TRAM1: variants seen among roughly 807,000 people sequenced by gnomAD.
TRAM1 encodes translocating chain-associated membrane protein 1.
A neutral mutation model predicts 48.7 loss-of-function variants in TRAM1; 17 were observed. The observed-to-expected ratio is 0.35, with a 90% CI of 0.24 to 0.52. The LOEUF (loss-of-function observed/expected upper bound fraction) is 0.52. Among genes scored for constraint, TRAM1 ranks in the 20% least tolerant of loss-of-function variants. TRAM1 has a pLI of 0.94. For missense variants in TRAM1, 351 were observed against 441.5 expected, an observed-to-expected ratio of 0.79 and a Z score of 1.84; for synonymous variants, 182 against 154.0, an observed-to-expected ratio of 1.18 and a Z score of -1.34.
In TRAM1 at chr8:70,584,676, A is replaced by G. The variant is rs542119127; in HGVS notation, c.747-883T>C. 1.8e-3 allele frequency among the ~76,000 whole-genome samples: 273 copies of G among 152,344 alleles called. 3 individuals carry two copies. The highest frequency in any genetic ancestry group is 3.4e-3 in the Middle Eastern group (1 of 294). On this transcript the variant is annotated intron_variant, in intron 8 of 10. Transcript: ENST00000262213. ...CCAAATCATGAGTGAACTCCCATTC[A>G]TAATTGCTTCAAAGAGAATAAAATA...
intron 1 of TRAM1, 193 bp downstream of exon 1, chr8:70,607,884 G>C (rs1009497601): frequency 3.4e-6 from 2 of 595,396 alleles, no homozygotes; most frequent in African/African-American, 1.9e-5. Context: ...TTGCATCTCC[G>C]GGCCGGCCGC....
chr8:70,587,030 A>G (rs1817237396), intron 7 of TRAM1, 31 bp from the exon 8 acceptor site: 1 of 1,608,744 alleles, frequency 6.2e-7, no homozygotes, highest in Middle Eastern at 1.7e-4. Flanking sequence ...AAATGGGAAT[A>G]TTAATTATCA....
chr8:70,596,914 A>T (rs1228661354), intron 4 of TRAM1, among the ~76,000 whole-genome samples: 2 of 151,710 alleles, frequency 1.3e-5, no homozygotes, highest in Admixed American at 6.6e-5. Flanking sequence ...ATGTTTTTTT[A>T]AAAAAATGTA....
At position 70,597,853 on chromosome 8, in the gene TRAM1, T is replaced by C. The variant is rs114744563; in HGVS notation, c.426+42A>G. The C allele has an allele frequency of 1.6e-3, 2,321 of 1,424,688 alleles. 21 individuals are homozygous for C. The African/African-American group carries it at 0.019, about 12-fold the overall frequency. The allele number at this position is 1,424,688 out of a possible 1,614,324, so 88.3% of individuals were successfully genotyped here. A position where few individuals can be genotyped will look rare whatever the true frequency, so the allele number is the denominator to read the frequency against. On this transcript the variant is annotated intron_variant, in intron 4 of 10. Transcript: ENST00000262213. ...ATTTCATTAGCAGAGTTTCTAATCT[T>C]AGATAAGGAAGGAGAACAACAACCT...
Position 70,598,220 on chromosome 8 carries a change from A to G in TRAM1, c.223T>C (p.Tyr75His). The G allele has an allele frequency of 1.2e-6, 2 of 1,612,584 alleles. No individual in the cohort carries two copies. Among genetic ancestry groups the G allele is most frequent in the African/African-American group, 1.3e-5 (1 of 74,966 alleles). The change falls in exon 3 of 11, where the codon TAT (tyrosine) becomes CAT (histidine). Residue 75 changes from tyrosine (Y) to histidine (H), a missense_variant. Coordinates refer to ENST00000262213, the MANE Select transcript of TRAM1 (RefSeq NM_014294.6). The stretch of plus-strand genomic sequence containing the variant: ...ACAGTAGCCAAATCTTTGATGCCAT[A>G]GTAATAAAGGGACACTGATTCAGTA... ...QATESVSLYY[Y>H]GIKDLATVFF...
chr8:70,584,422 G>A (rs1475692909), intron 8 of TRAM1, among the ~76,000 whole-genome samples: 1 of 152,212 alleles, frequency 6.6e-6, no homozygotes, highest in African/African-American at 2.4e-5. Context: ...AGTGTTGGAA[G>A]TTCTGGCCAG....
chr8:70,597,389 A>G (rs1182728529), intron 4 of TRAM1, among the ~76,000 whole-genome samples: 1 of 152,080 alleles, frequency 6.6e-6, no homozygotes, highest in African/African-American at 2.4e-5. Context: ...TACAAAAGTA[A>G]GGCCGGGCTT....
intron 6 of TRAM1, among the ~76,000 whole-genome samples, chr8:70,588,045 T>C (rs1474788102): frequency 2.0e-5 from 3 of 151,936 alleles, no homozygotes; most frequent in African/African-American, 7.3e-5. Context: ...AGCAAGACCC[T>C]GTCTCTACAA....
chr8:70,577,171 C>T lies in TRAM1; in HGVS notation c.1052-2166G>A, dbSNP rs112432103. 3.7e-3 allele frequency among the ~76,000 whole-genome samples: 561 copies of T among 152,240 alleles called. 2 individuals are homozygous for T. Among genetic ancestry groups the T allele is most frequent in the Non-Finnish European group, 6.7e-3 (455 of 68,000 alleles). ...TCAGGACTTTGGGTGCTGATGAGCA[C>T]GAGAGGGAGGCCGAGGGGGGCTGAG... On this transcript the variant is annotated intron_variant, in intron 10 of 10. Transcript: ENST00000262213.
intron 6 of TRAM1, among the ~76,000 whole-genome samples, chr8:70,590,078 C>T (rs1035174345): frequency 2.7e-5 from 4 of 150,128 alleles, no homozygotes; most frequent in African/African-American, 4.9e-5. Flanking sequence ...ATGAGGGAAG[C>T]GTTTTAGTTT....
At chr8:70,601,672 T>C (rs540440566) in intron 1 of TRAM1, among the ~76,000 whole-genome samples, 1 of 152,318 alleles carries the variant, frequency 6.6e-6, no homozygotes, top group African/African-American at 2.4e-5. Context: ...CAGCCAAGAA[T>C]GAAACTTCTG....
intron 4 of TRAM1, among the ~76,000 whole-genome samples, chr8:70,597,366 A>C (rs1240730860): frequency 2.0e-5 from 3 of 152,122 alleles, no homozygotes; most frequent in African/African-American, 7.2e-5. Context: ...GGTATCTGTA[A>C]ACCACTATAA....
At chr8:70,581,109 T>A (rs1432988253) in intron 10 of TRAM1, among the ~76,000 whole-genome samples, 1 of 152,174 alleles carries the variant, frequency 6.6e-6, no homozygotes, top group African/African-American at 2.4e-5. Flanking sequence ...TTAAAATGGC[T>A]GGGCAAGGCA....
chr8:70,577,306 G>A (rs1043818805), intron 10 of TRAM1, among the ~76,000 whole-genome samples: 3 of 152,202 alleles, frequency 2.0e-5, no homozygotes, highest in Non-Finnish European at 4.4e-5. Flanking sequence ...AGAAAGGGGT[G>A]GGCCCTGGTG....
intron 10 of TRAM1, among the ~76,000 whole-genome samples, chr8:70,580,821 G>A (rs1817059777): frequency 6.6e-6 from 1 of 151,650 alleles, no homozygotes; most frequent in African/African-American, 2.4e-5. Context: ...ATACAAAAGT[G>A]AATTGTATTT....
At chr8:70,605,274 G>A (rs1263059058) in intron 1 of TRAM1, among the ~76,000 whole-genome samples, 1 of 152,136 alleles carries the variant, frequency 6.6e-6, no homozygotes, top group Non-Finnish European at 1.5e-5. Flanking sequence ...ATTTGTCAGA[G>A]TAACCCAATA....
At position 70,576,626 on chromosome 8, in the gene TRAM1, G is replaced by C. The variant is rs551379067; in HGVS notation, c.1052-1621C>G. ...ACTCTGTTATCCCGGCTGGAGTCCA[G>C]TGACATGATCTCCACTCACTGCAAC... On this transcript the variant is annotated intron_variant, in intron 10 of 10. Transcript: ENST00000262213. Among the ~76,000 whole-genome samples the C allele has an allele frequency of 5.9e-5, 9 of 152,302 alleles. No homozygotes were observed. The South Asian group carries it at 1.9e-3, about 32-fold the overall frequency.
Position 70,608,103 on chromosome 8 carries a change from C to G in TRAM1, c.97G>C (p.Val33Leu), listed in dbSNP as rs766903990. ...HADIVSCVAMVFLLGLMFEIT... is the reference protein window; with the variant it reads ...HADIVSCVAMLFLLGLMFEIT... ...TCAAACATGAGCCCCAGCAGGAAGA[C>G]CATCGCCACACAGGAGACGATGTCC... Residue 33 changes from valine (V) to leucine (L), a missense_variant, in exon 1 of 11, where the codon GTC becomes CTC. Transcript: ENST00000262213. The G allele has an allele frequency of 6.3e-7, 1 of 1,598,530 alleles. No individual in the cohort carries two copies. The highest frequency in any genetic ancestry group is 8.5e-7 in the Non-Finnish European group (1 of 1,173,556).
chr8:70,597,120 A>G (rs140019312), intron 4 of TRAM1, among the ~76,000 whole-genome samples: 70 of 152,314 alleles, frequency 4.6e-4, no homozygotes, highest in African/African-American at 1.7e-3. Flanking sequence ...CAAACTCAAA[A>G]GTATGTAAAC....
Sources: allele counts gnomAD v4.1 joint callset (sites outside exome capture counted in the v4.1 genomes callset), GRCh38; gene constraint gnomAD v4.1.1; transcripts MANE v1.5; gene names NCBI Gene and HGNC (gene_info 2026-07-23, HGNC 2026-07-21).